The following KCNT2 variants were observed in gnomAD, a reference collection of about 807,000 sequenced individuals.
KCNT2 encodes the protein potassium channel subfamily T member 2.
Under a neutral mutation model 153.8 loss-of-function variants are expected in KCNT2, and 67 were observed. The observed-to-expected ratio is 0.44, with a 90% CI of 0.36 to 0.53. The LOEUF (loss-of-function observed/expected upper bound fraction) is 0.53, where lower values mean the gene tolerates loss of function less well. Among genes scored for constraint, KCNT2 ranks in the 20% least tolerant of loss-of-function variants. The pLI, the probability that KCNT2 is intolerant of heterozygous loss-of-function variation, is 0.00. For missense variants in KCNT2, 975 were observed against 1,354.8 expected (o/e 0.72, Z 4.40); for synonymous variants, 500 against 458.8 (o/e 1.09, Z -1.15).
intron 1 of KCNT2, among the ~76,000 whole-genome samples, chr1:196,597,522 G>A (rs931825228): frequency 1.3e-5 from 2 of 152,100 alleles, no homozygotes; most frequent in African/African-American, 2.4e-5. Context: ...TATGATAGGA[G>A]AGTGGATAAG....
intron 1 of KCNT2, among the ~76,000 whole-genome samples, chr1:196,600,546 G>A (rs2149029281): frequency 6.6e-6 from 1 of 152,310 alleles, no homozygotes; most frequent in South Asian, 2.1e-4. Flanking sequence ...ATGTAGTTTG[G>A]TTGACGAAGT....
At chr1:196,446,055 C>T (rs1291515834) in intron 8 of KCNT2, among the ~76,000 whole-genome samples, 1 of 151,370 alleles carries the variant, frequency 6.6e-6, no homozygotes, top group African/African-American at 2.4e-5. Flanking sequence ...ACGGACATTG[C>T]TCTTATGACT....
intron 15 of KCNT2, among the ~76,000 whole-genome samples, chr1:196,341,197 A>G (rs1053180094): frequency 1.3e-5 from 2 of 152,082 alleles, no homozygotes; most frequent in African/African-American, 4.8e-5. Flanking sequence ...CCTAACAAAT[A>G]TCATAGTTTT....
chr1:196,410,185 C>T (rs115933700), intron 12 of KCNT2, among the ~76,000 whole-genome samples: 8,758 of 151,446 alleles, frequency 0.058, 389 homozygotes, highest in Non-Finnish European at 0.085. Context: ...TTGTTTTTTG[C>T]TATTAAGCTA....
chr1:196,442,818 C>A (rs1414849575), intron 8 of KCNT2, among the ~76,000 whole-genome samples: 8 of 146,968 alleles, frequency 5.4e-5, no homozygotes, highest in Admixed American at 2.7e-4. Flanking sequence ...TTTGCCTATA[C>A]AACAAGACAC....
Position 196,258,498 on chromosome 1 carries a change from T to A in KCNT2, c.2911-4A>T, listed in dbSNP as rs776733998. 6.7e-7 allele frequency: 1 copy of A among 1,486,960 alleles called. No homozygotes were observed. The highest frequency in any genetic ancestry group is 1.4e-5 in the African/African-American group (1 of 71,676). 92.1% of individuals were successfully genotyped at this position (1,486,960 alleles called of 1,614,324 possible). On this transcript the variant is annotated splice_polypyrimidine_tract_variant and splice_region_variant and intron_variant, in intron 25 of 27. Coordinates refer to ENST00000294725, the MANE Select transcript of KCNT2 (RefSeq NM_198503.5). ...CTACACTGATAGATATTTGAGACTT[T>A]AAAGGAAATAGATATTGATAATTAG...
At position 196,230,326 on chromosome 1, in the gene KCNT2, C is replaced by G. The variant is rs75219999; in HGVS notation, c.3297-1991G>C. Among the ~76,000 whole-genome samples, 1,494 of 152,054 alleles carry G rather than the reference C, an allele frequency of 9.8e-3. 26 individuals carry two copies. Among genetic ancestry groups the G allele is most frequent in the African/African-American group, 0.034 (1,431 of 41,516 alleles). On this transcript the variant is annotated intron_variant, in intron 27 of 27. Transcript: ENST00000294725. ...TGGAAAAACAAAGCCTGACTGGCAG[C>G]AAATCTGTTTAAAGCATAGTTTACT...
chr1:196,492,026 T>C (rs1421276182), intron 2 of KCNT2, among the ~76,000 whole-genome samples: 1 of 152,082 alleles, frequency 6.6e-6, no homozygotes, highest in Non-Finnish European at 1.5e-5. Flanking sequence ...TAACATGGAA[T>C]TTGGAGAATT....
chr1:196,282,166 A>G, intron 24 of KCNT2, 107 bp downstream of exon 24: 1 of 524,480 alleles, frequency 1.9e-6, no homozygotes, highest in Admixed American at 3.5e-5. Flanking sequence ...CTGGATTCAC[A>G]ATACAAAAAA....
intron 1 of KCNT2, among the ~76,000 whole-genome samples, chr1:196,536,848 C>G (rs1272726090): frequency 6.6e-6 from 1 of 152,126 alleles, no homozygotes; most frequent in South Asian, 2.1e-4. Flanking sequence ...TACACCCATC[C>G]CACTATTGAG....
intron 14 of KCNT2, among the ~76,000 whole-genome samples, chr1:196,369,951 C>A (rs1334708772): frequency 1.3e-5 from 2 of 151,774 alleles, no homozygotes; most frequent in East Asian, 3.9e-4. Context: ...TTTATGCAGC[C>A]AAAAAACACA....
At chr1:196,468,675 A>T (rs185946610) in intron 6 of KCNT2, among the ~76,000 whole-genome samples, 248 of 152,122 alleles carry the variant, frequency 1.6e-3, no homozygotes, top group African/African-American at 4.1e-3. Flanking sequence ...TTATTTTTTT[A>T]AAAAAAATCC....
intron 12 of KCNT2, among the ~76,000 whole-genome samples, chr1:196,418,463 G>T (rs918042722): frequency 6.6e-5 from 10 of 150,804 alleles, no homozygotes; most frequent in Non-Finnish European, 1.3e-4. Context: ...CAAAACTCAA[G>T]TCTCAAGAAC....
At chr1:196,505,696 T>C (rs1374247421) in intron 1 of KCNT2, among the ~76,000 whole-genome samples, 3 of 152,132 alleles carry the variant, frequency 2.0e-5, no homozygotes, top group Non-Finnish European at 4.4e-5. Context: ...TTTCACGATA[T>C]TGATTCTTCC....
chr1:196,492,316 C>A lies in KCNT2; in HGVS notation c.121G>T (p.Glu41Ter). 1 of 1,434,512 alleles carries A rather than the reference C, an allele frequency of 7.0e-7. No homozygotes were observed. The highest frequency in any genetic ancestry group is 2.6e-5 in the East Asian group (1 of 38,194). The allele number at this position is 1,434,512 out of a possible 1,614,324, so 88.9% of individuals were successfully genotyped here. A position where few individuals can be genotyped will look rare whatever the true frequency, so the allele number is the denominator to read the frequency against. Residue 41 changes from glutamate (E) to a stop codon, truncating the protein, a stop_gained, in exon 2 of 28, where the codon GAA becomes TAA. Coordinates refer to ENST00000294725, the MANE Select transcript of KCNT2 (RefSeq NM_198503.5). LOFTEE classifies it high-confidence loss of function. ...DRVQVEFYMNENTFKERLKLF... is the reference protein window; with the variant it reads ...DRVQVEFYMN ...TTTAGTCTTTCTTTAAATGTATTTT[C>A]ATTCATATAGAATTCAACTTGTACC... is the stretch of plus-strand genomic sequence containing the variant.
chr1:196,261,905 G>C (rs1571834851), intron 25 of KCNT2, among the ~76,000 whole-genome samples: 1 of 151,748 alleles, frequency 6.6e-6, no homozygotes. Flanking sequence ...TAAATGAAAT[G>C]CTTCTGGTAA....
intron 1 of KCNT2, among the ~76,000 whole-genome samples, chr1:196,503,900 A>G (rs1257937434): frequency 2.0e-5 from 3 of 152,164 alleles, no homozygotes; most frequent in Non-Finnish European, 2.9e-5. Context: ...GCTCACTGGA[A>G]CACATGTATG....
chr1:196,436,208 C>A (rs1213531035), intron 8 of KCNT2, among the ~76,000 whole-genome samples: 1 of 151,502 alleles, frequency 6.6e-6, no homozygotes, highest in African/African-American at 2.4e-5. Flanking sequence ...ATTGCATATT[C>A]TTTTGGTTAC....
At chr1:196,356,715 A>G (rs1386624172) in intron 14 of KCNT2, among the ~76,000 whole-genome samples, 1 of 151,772 alleles carries the variant, frequency 6.6e-6, no homozygotes, top group East Asian at 1.9e-4. Context: ...GCTATTTTTA[A>G]TTTCTATTTT....
Sources: gnomAD v4.1 joint callset for allele counts (sites outside exome capture counted in the v4.1 genomes callset) on GRCh38, gnomAD v4.1.1 for gene constraint, MANE v1.5 for transcripts, NCBI Gene and HGNC (gene_info 2026-07-23, HGNC 2026-07-21) for gene names.